STAU2: variants seen among roughly 807,000 people sequenced by gnomAD.
The protein encoded by STAU2 is staufen double-stranded RNA binding protein 2, also known as double-stranded RNA-binding protein Staufen homolog 2.
Under a neutral mutation model 65.9 loss-of-function variants are expected in STAU2, and 20 were observed. The observed-to-expected ratio is 0.30, with a 90% CI of 0.21 to 0.44. STAU2 has a LOEUF of 0.44. Among genes scored for constraint, STAU2 ranks in the 20% least tolerant of loss-of-function variants. STAU2 has a pLI of 1.00. For synonymous variants in STAU2, 232 were observed against 233.9 expected (o/e 0.99, Z 0.07); for missense variants, 558 against 683.9 (o/e 0.82, Z 2.05).
At chr8:73,469,206 C>CA (rs1420941367) in intron 13 of STAU2, among the ~76,000 whole-genome samples, 9 of 151,696 alleles carry the variant, frequency 5.9e-5, no homozygotes, top group East Asian at 1.9e-4. Context: ...ATCACAAGGA[C>CA]AAAAAATCAA....
chr8:73,555,174 A>G (rs904745811), intron 12 of STAU2, among the ~76,000 whole-genome samples: 1 of 152,206 alleles, frequency 6.6e-6, no homozygotes, highest in Non-Finnish European at 1.5e-5. Flanking sequence ...AAGCTCAGGG[A>G]AGGCTTGCTG....
chr8:73,450,694 C>G (rs1320112151), intron 13 of STAU2, among the ~76,000 whole-genome samples: 4 of 152,202 alleles, frequency 2.6e-5, no homozygotes, highest in Non-Finnish European at 4.4e-5. Flanking sequence ...TGCTGATCAT[C>G]TCAAGTACCC....
chr8:73,678,718 G>A (rs993506852), intron 5 of STAU2, among the ~76,000 whole-genome samples: 23 of 152,198 alleles, frequency 1.5e-4, no homozygotes, highest in African/African-American at 5.3e-4. Flanking sequence ...GTATTCTGAA[G>A]AGGCTTTTAA....
chr8:73,556,391 T>C (rs934194947), intron 12 of STAU2, among the ~76,000 whole-genome samples: 14 of 152,194 alleles, frequency 9.2e-5, no homozygotes, highest in Admixed American at 3.3e-4. Flanking sequence ...CCAAAGAAGC[T>C]GTACCAATAT....
At chr8:73,563,642 G>A (rs1317718849) in intron 12 of STAU2, among the ~76,000 whole-genome samples, 1 of 152,116 alleles carries the variant, frequency 6.6e-6, no homozygotes, top group Non-Finnish European at 1.5e-5. Context: ...AACTGCATGT[G>A]CATCTACAAT....
chr8:73,443,192 A>T (rs1005799559), intron 13 of STAU2, among the ~76,000 whole-genome samples: 9 of 152,198 alleles, frequency 5.9e-5, no homozygotes, highest in Non-Finnish European at 5.9e-5. Context: ...AGGAAAAAAA[A>T]GGGTGACTGT....
chr8:73,644,482 A>G (rs1815224846), intron 6 of STAU2, among the ~76,000 whole-genome samples: 1 of 152,006 alleles, frequency 6.6e-6, no homozygotes, highest in Non-Finnish European at 1.5e-5. Flanking sequence ...TGGTCTGAGA[A>G]AAAAAAGAAA....
intron 3 of STAU2, among the ~76,000 whole-genome samples, chr8:73,725,992 T>C (rs1437914622): frequency 1.3e-5 from 2 of 150,748 alleles, no homozygotes; most frequent in African/African-American, 4.9e-5. Flanking sequence ...TATTTGATTA[T>C]GATGTGCGTG....
chr8:73,493,224 GAAAA>G (rs1262903973), intron 13 of STAU2, among the ~76,000 whole-genome samples: 1 of 151,264 alleles, frequency 6.6e-6, no homozygotes, highest in African/African-American at 2.4e-5. Flanking sequence ...ATTGAGAATA[GAAAA>G]AAGTTTCTTA....
chr8:73,494,164 G>A (rs1409362901), intron 13 of STAU2, among the ~76,000 whole-genome samples: 1 of 151,642 alleles, frequency 6.6e-6, no homozygotes, highest in Non-Finnish European at 1.5e-5. Context: ...ACACTTTGTT[G>A]TTTATCTCAA....
At chr8:73,544,971 A>C (rs1289903534) in intron 13 of STAU2, among the ~76,000 whole-genome samples, 1 of 152,210 alleles carries the variant, frequency 6.6e-6, no homozygotes, top group Non-Finnish European at 1.5e-5. Context: ...TAGCAAGTTT[A>C]GCATGCTACC....
At chr8:73,736,391 T>C (rs1487059906) in intron 3 of STAU2, among the ~76,000 whole-genome samples, 1 of 152,228 alleles carries the variant, frequency 6.6e-6, no homozygotes, top group Non-Finnish European at 1.5e-5. Flanking sequence ...GAAAAGTCAC[T>C]GTCTTCATGA....
intron 6 of STAU2, among the ~76,000 whole-genome samples, chr8:73,649,409 G>A (rs1815649568): frequency 6.6e-6 from 1 of 151,936 alleles, no homozygotes; most frequent in East Asian, 1.9e-4. Context: ...AGAGGTCCAG[G>A]TTGCCGACCC....
chr8:73,742,173 T>C, intron 1 of STAU2: 1 of 983,494 alleles, frequency 1.0e-6, no homozygotes, highest in Non-Finnish European at 1.2e-6. Flanking sequence ...TTTAAACAAT[T>C]TGCTAAAATA....
intron 6 of STAU2, among the ~76,000 whole-genome samples, chr8:73,626,988 A>G (rs1409828527): frequency 6.6e-6 from 1 of 151,872 alleles, no homozygotes; most frequent in African/African-American, 2.4e-5. Context: ...AGAAGCAGTA[A>G]GATGTGCCTC....
At chr8:73,621,421 T>C (rs139553579) in intron 6 of STAU2, among the ~76,000 whole-genome samples, 2 of 152,280 alleles carry the variant, frequency 1.3e-5, no homozygotes, top group South Asian at 2.1e-4. Context: ...CCCAGTTCAG[T>C]CTCGGGTATT....
chr8:73,455,756 GT>G (rs953536684), intron 13 of STAU2, among the ~76,000 whole-genome samples: 5 of 151,994 alleles, frequency 3.3e-5, no homozygotes, highest in South Asian at 4.2e-4. Context: ...ATCTGTTATA[GT>G]TTTTTTTATT....
At chr8:73,512,734 T>C (rs1444084774) in intron 13 of STAU2, among the ~76,000 whole-genome samples, 1 of 152,154 alleles carries the variant, frequency 6.6e-6, no homozygotes, top group African/African-American at 2.4e-5. Flanking sequence ...TTTTGCTTCT[T>C]CCTTTCAAAG....
Position 73,576,485 on chromosome 8 carries a change from G to A in STAU2, c.1222+6285C>T, listed in dbSNP as rs189485211. 9.3e-4 allele frequency among the ~76,000 whole-genome samples: 141 copies of A among 152,132 alleles called. 1 individual carries two copies. Among genetic ancestry groups the A allele is most frequent in the African/African-American group, 3.3e-3 (135 of 41,500 alleles). On this transcript the variant is annotated intron_variant, in intron 12 of 14. Coordinates refer to ENST00000524300, the MANE Select transcript of STAU2 (RefSeq NM_001164380.2). ...GAAATTATGAGGAATAAAGGGTGGG[G>A]CGACTACATATAAAATTCAGAGATA...
Sources: allele counts gnomAD v4.1 joint callset (sites outside exome capture counted in the v4.1 genomes callset), GRCh38; gene constraint gnomAD v4.1.1; transcripts MANE v1.5; gene names NCBI Gene and HGNC (gene_info 2026-07-23, HGNC 2026-07-21).